Variants in MAF observed in about 807,000 individuals in gnomAD.
The protein encoded by MAF is transcription factor Maf.
MAF carries 10 observed loss-of-function variants against 22.0 expected under a neutral mutation model. The observed-to-expected ratio is 0.45, with a 90% confidence interval of 0.28 to 0.77. MAF has a LOEUF of 0.77. Ranked by LOEUF, MAF falls within the 30% of genes least tolerant of loss-of-function variation. The pLI is 0.12. For synonymous variants in MAF, 337 were observed against 255.8 expected (o/e 1.32, Z -3.03); for missense variants, 544 against 548.4 (o/e 0.99, Z 0.08).
the MAF span, among the ~76,000 whole-genome samples, chr16:79,407,969 G>T: frequency 1.4e-5 from 2 of 145,484 alleles, no homozygotes; most frequent in African/African-American, 5.1e-5. Context: ...CCTAAGAGAG[G>T]AAATTCCTTC....
the MAF span, among the ~76,000 whole-genome samples, chr16:79,363,499 T>TTTAC: frequency 1.3e-5 from 2 of 152,196 alleles, no homozygotes; most frequent in Non-Finnish European, 2.9e-5. Flanking sequence ...TATTGAATAC[T>TTTAC]TTACTTACTT....
At chr16:79,499,323 C>G in the MAF span, among the ~76,000 whole-genome samples, 57 of 152,248 alleles carry the variant, frequency 3.7e-4, 1 homozygote, top group South Asian at 9.6e-3. Context: ...ATCTGGGACA[C>G]AGTCATCTCA....
chr16:79,234,235 C>T, the MAF span, among the ~76,000 whole-genome samples: 3 of 151,990 alleles, frequency 2.0e-5, no homozygotes, highest in Non-Finnish European at 4.4e-5. Flanking sequence ...TGTAAGCCAC[C>T]AAGCCCTGAA....
intron 1 of MAF, chr16:79,595,628 G>C (rs1240660325): frequency 1.7e-5 from 18 of 1,058,018 alleles, no homozygotes; most frequent in African/African-American, 3.3e-5. Context: ...AGGTAGTTTT[G>C]AGTCTTTCCA....
downstream of MAF, among the ~76,000 whole-genome samples, chr16:79,593,081 GA>G (rs888582298): frequency 6.6e-6 from 1 of 151,856 alleles, no homozygotes; most frequent in Non-Finnish European, 1.5e-5. Flanking sequence ...AGCCAAAACA[GA>G]AAAAAACAAA....
the MAF span, among the ~76,000 whole-genome samples, chr16:79,542,810 C>T: frequency 1.3e-5 from 2 of 152,176 alleles, no homozygotes; most frequent in Admixed American, 6.5e-5. Flanking sequence ...CTTCAGTGAC[C>T]ATGGCTAGTA....
chr16:79,354,732 A>G, the MAF span, among the ~76,000 whole-genome samples: 1 of 152,216 alleles, frequency 6.6e-6, no homozygotes, highest in Non-Finnish European at 1.5e-5. Context: ...GTGTAATTTA[A>G]TTAGATCCTC....
At chr16:79,302,255 A>G in the MAF span, among the ~76,000 whole-genome samples, 4 of 152,218 alleles carry the variant, frequency 2.6e-5, no homozygotes, top group Admixed American at 6.5e-5. Flanking sequence ...TTGGAGACAC[A>G]AAGACACTGG....
At chr16:79,329,334 A>G in the MAF span, among the ~76,000 whole-genome samples, 1 of 152,162 alleles carries the variant, frequency 6.6e-6, no homozygotes, top group East Asian at 1.9e-4. Flanking sequence ...TGGAATTTGG[A>G]GAAGTGAGAG....
the MAF span, among the ~76,000 whole-genome samples, chr16:79,285,958 C>T: frequency 1.3e-5 from 2 of 152,194 alleles, no homozygotes; most frequent in Non-Finnish European, 2.9e-5. Flanking sequence ...GACGATGACT[C>T]AGTACAGTTT....
the MAF span, among the ~76,000 whole-genome samples, chr16:79,379,576 G>C: frequency 5.3e-5 from 8 of 152,076 alleles, no homozygotes; most frequent in Non-Finnish European, 8.8e-5. Flanking sequence ...GCTCAAGTCA[G>C]GTAATTCTAT....
chr16:79,477,984 C>T, the MAF span, among the ~76,000 whole-genome samples: 19 of 147,376 alleles, frequency 1.3e-4, no homozygotes, highest in Admixed American at 2.7e-4. Context: ...AGCCTCCCAA[C>T]GGCTGGGATT....
chr16:79,356,235 G>A, the MAF span, among the ~76,000 whole-genome samples: 2 of 151,966 alleles, frequency 1.3e-5, no homozygotes, highest in Non-Finnish European at 2.9e-5. Context: ...ACACATTCAT[G>A]CACATGCTAT....
At chr16:79,534,789 C>T in the MAF span, among the ~76,000 whole-genome samples, 2 of 152,144 alleles carry the variant, frequency 1.3e-5, no homozygotes, top group African/African-American at 4.8e-5. Flanking sequence ...CAGGCACACC[C>T]TCTTCAGTGT....
chr16:79,435,769 A>C, the MAF span, among the ~76,000 whole-genome samples: 1 of 152,286 alleles, frequency 6.6e-6, no homozygotes, highest in East Asian at 1.9e-4. Context: ...TCTTGACCAT[A>C]TCCTTCGTTA....
chr16:79,581,402 G>A (rs1043700721), downstream of MAF, among the ~76,000 whole-genome samples: 3 of 152,152 alleles, frequency 2.0e-5, no homozygotes, highest in African/African-American at 7.2e-5. Context: ...ACTTTGCAGA[G>A]GGGGGAGTCA....
At chr16:79,554,475 G>T in the MAF span, among the ~76,000 whole-genome samples, 1 of 152,204 alleles carries the variant, frequency 6.6e-6, no homozygotes, top group Admixed American at 6.5e-5. Flanking sequence ...GCTGCAAACG[G>T]ACAGTACTTG....
chr16:79,248,798 CAA>C, the MAF span, among the ~76,000 whole-genome samples: 1 of 147,794 alleles, frequency 6.8e-6, no homozygotes, highest in African/African-American at 2.5e-5. Flanking sequence ...CCAAAATTTA[CAA>C]AAAAAAAAAA....
chr16:79,407,749 C>T, the MAF span, among the ~76,000 whole-genome samples: 10 of 152,202 alleles, frequency 6.6e-5, no homozygotes, highest in East Asian at 3.9e-4. Flanking sequence ...AAGAGCACCC[C>T]TCCGTCCTGA....
Sources: allele counts gnomAD v4.1 joint callset (sites outside exome capture counted in the v4.1 genomes callset), GRCh38; gene constraint gnomAD v4.1.1; transcripts MANE v1.5; gene names NCBI Gene and HGNC (gene_info 2026-07-23, HGNC 2026-07-21).